MAGI2: variants seen among roughly 807,000 people sequenced by gnomAD.
MAGI2 encodes membrane associated guanylate kinase, WW and PDZ domain containing 2, also known as membrane-associated guanylate kinase, WW and PDZ domain-containing protein 2.
In MAGI2, 35 loss-of-function variants were observed where a neutral mutation model predicts 133.3. That is an observed-to-expected ratio of 0.26 (90% confidence interval 0.20 to 0.35). The LOEUF (loss-of-function observed/expected upper bound fraction) is 0.35, where lower values mean the gene tolerates loss of function less well. Among genes scored for constraint, MAGI2 ranks in the 10% least tolerant of loss-of-function variants. The pLI is 1.00. For missense variants in MAGI2, 1,636 were observed against 1,863.4 expected, an observed-to-expected ratio of 0.88 and a Z score of 2.25; for synonymous variants, 729 against 710.6, an observed-to-expected ratio of 1.03 and a Z score of -0.41.
chr7:78,057,977 G>GTGTATATATATATATATATATATATATA (rs762943472), intron 21 of MAGI2, among the ~76,000 whole-genome samples: 5 of 106,612 alleles, frequency 4.7e-5, no homozygotes, highest in Middle Eastern at 5.0e-3. Flanking sequence ...ATATATATGT[G>GTGTATATATATATATATATATATATATA]TATATATATA....
chr7:78,751,314 G>A (rs193003009), intron 2 of MAGI2, among the ~76,000 whole-genome samples: 47 of 152,286 alleles, frequency 3.1e-4, no homozygotes, highest in South Asian at 8.3e-4. Context: ...ATATTGTAAT[G>A]ATTTTCATCC....
intron 1 of MAGI2, among the ~76,000 whole-genome samples, chr7:79,230,091 T>C (rs1265171315): frequency 1.3e-5 from 2 of 151,360 alleles, no homozygotes; most frequent in African/African-American, 4.9e-5. Context: ...TGATTTCCAA[T>C]TTCATCCATG....
intron 20 of MAGI2, among the ~76,000 whole-genome samples, chr7:78,111,283 TTTCTCG>T (rs1176844835): frequency 4.6e-5 from 7 of 152,142 alleles, no homozygotes; most frequent in Non-Finnish European, 8.8e-5. Flanking sequence ...GTTTGTAAAC[TTTCTCG>T]TTCTTTTCCA....
intron 1 of MAGI2, among the ~76,000 whole-genome samples, chr7:79,156,316 C>T (rs1275334049): frequency 6.6e-6 from 1 of 152,076 alleles, no homozygotes; most frequent in Non-Finnish European, 1.5e-5. Context: ...GGAAAATTTG[C>T]ATCTGTAAAG....
intron 21 of MAGI2, chr7:78,073,010 T>C (rs1460398486): frequency 2.5e-6 from 1 of 398,486 alleles, no homozygotes; most frequent in African/African-American, 2.1e-5. Flanking sequence ...CTTATTGCTA[T>C]CTACATAGAG....
At position 78,450,508 on chromosome 7, in the gene MAGI2, G is replaced by A. The variant is rs530793472; in HGVS notation, c.1045+39253C>T. On this transcript the variant is annotated intron_variant, in intron 6 of 21. Coordinates refer to ENST00000354212, the MANE Select transcript of MAGI2 (RefSeq NM_012301.4). ...CTAAGTTGAATGCAGCATGCACAAA[G>A]CACACGCCTCATTGTGATGAAAGTG... 3.1e-3 allele frequency among the ~76,000 whole-genome samples: 466 copies of A among 152,222 alleles called. 4 individuals carry two copies. The highest frequency in any genetic ancestry group is 0.011 in the African/African-American group (443 of 41,558).
At chr7:78,585,981 C>T (rs1268771943) in intron 3 of MAGI2, among the ~76,000 whole-genome samples, 2 of 152,178 alleles carry the variant, frequency 1.3e-5, no homozygotes, top group Non-Finnish European at 2.9e-5. Context: ...CATTCTGTCT[C>T]CTTTACCCTC....
chr7:78,477,712 A>G (rs1163884319), intron 6 of MAGI2, among the ~76,000 whole-genome samples: 1 of 151,926 alleles, frequency 6.6e-6, no homozygotes, highest in African/African-American at 2.4e-5. Context: ...CCCGCCCTTG[A>G]CACATGGGGA....
intron 1 of MAGI2, among the ~76,000 whole-genome samples, chr7:79,405,961 T>G (rs899399826): frequency 2.7e-5 from 4 of 149,262 alleles, no homozygotes; most frequent in African/African-American, 9.9e-5. Context: ...TTGCAGTTTA[T>G]GACAAAATAA....
At chr7:78,233,010 T>C (rs1259020162) in intron 10 of MAGI2, among the ~76,000 whole-genome samples, 2 of 152,130 alleles carry the variant, frequency 1.3e-5, no homozygotes, top group Non-Finnish European at 2.9e-5. Context: ...AATGAGTTAA[T>C]TGCGATGAGT....
At chr7:79,394,951 G>A (rs1275283390) in intron 1 of MAGI2, among the ~76,000 whole-genome samples, 9 of 152,012 alleles carry the variant, frequency 5.9e-5, no homozygotes, top group South Asian at 2.1e-4. Flanking sequence ...AACAATTTAC[G>A]CCTTTAGATT....
chr7:79,379,947 T>C (rs1227113235), intron 1 of MAGI2, among the ~76,000 whole-genome samples: 3 of 151,574 alleles, frequency 2.0e-5, no homozygotes, highest in East Asian at 1.9e-4. Flanking sequence ...TAGCCATATG[T>C]AGAAAGCTGA....
chr7:78,479,750 A>G (rs1330449684), intron 6 of MAGI2, among the ~76,000 whole-genome samples: 1 of 151,982 alleles, frequency 6.6e-6, no homozygotes, highest in African/African-American at 2.4e-5. Flanking sequence ...GGAAAAACAA[A>G]TTGGATGAGA....
chr7:78,584,706 G>A (rs2150822285), intron 3 of MAGI2, among the ~76,000 whole-genome samples: 1 of 152,258 alleles, frequency 6.6e-6, no homozygotes, highest in Admixed American at 6.5e-5. Context: ...CACCTTATAA[G>A]CCCTGCACTG....
In MAGI2 at chr7:79,415,207, C is replaced by G. The variant is rs983512099; in HGVS notation, c.301+37813G>C. On this transcript the variant is annotated intron_variant, in intron 1 of 21. Coordinates refer to ENST00000354212, the MANE Select transcript of MAGI2 (RefSeq NM_012301.4). ...GATGTGAAAAAATGGTAGTGAGTTT[C>G]TAGTTAGATAGTTTCTGAAGTGCTG... The G allele has an allele frequency of 2.0e-5, 3 of 152,114 alleles. 1 individual carries two copies. Among genetic ancestry groups the G allele is most frequent in the African/African-American group, 7.2e-5 (3 of 41,440 alleles). The allele number at this position is 152,114 out of a possible 1,614,324, so 9.4% of individuals were successfully genotyped here.
At chr7:78,197,068 T>C (rs1025279968) in intron 11 of MAGI2, among the ~76,000 whole-genome samples, 5 of 152,254 alleles carry the variant, frequency 3.3e-5, no homozygotes, top group African/African-American at 1.2e-4. Flanking sequence ...GTGAATTTTC[T>C]GCTCAGAAGG....
intron 9 of MAGI2, among the ~76,000 whole-genome samples, chr7:78,334,072 T>C (rs1335480635): frequency 6.6e-6 from 1 of 152,172 alleles, no homozygotes; most frequent in African/African-American, 2.4e-5. Flanking sequence ...CCAGAAAACA[T>C]TTTCAAATGA....
At chr7:79,266,571 T>C (rs1417166953) in intron 1 of MAGI2, among the ~76,000 whole-genome samples, 3 of 152,092 alleles carry the variant, frequency 2.0e-5, no homozygotes, top group Non-Finnish European at 4.4e-5. Flanking sequence ...GGTGATGTAA[T>C]GTGAAATGTC....
intron 20 of MAGI2, among the ~76,000 whole-genome samples, chr7:78,109,602 A>G (rs2150461496): frequency 6.6e-6 from 1 of 152,278 alleles, no homozygotes; most frequent in African/African-American, 2.4e-5. Context: ...ACTGCACTCC[A>G]GCCTGGGAGA....
Sources: allele counts gnomAD v4.1 joint callset (sites outside exome capture counted in the v4.1 genomes callset), GRCh38; gene constraint gnomAD v4.1.1; transcripts MANE v1.5; gene names NCBI Gene and HGNC (gene_info 2026-07-23, HGNC 2026-07-21).